The following TTLL7 variants were observed in gnomAD, a reference collection of about 807,000 sequenced individuals.
The protein encoded by TTLL7 is tubulin polyglutamylase TTLL7.
Under a neutral mutation model 120.2 loss-of-function variants are expected in TTLL7, and 53 were observed. The observed-to-expected ratio is 0.44, with a 90% CI of 0.35 to 0.55. The LOEUF is 0.55. Ranked by LOEUF, TTLL7 falls within the 20% of genes least tolerant of loss-of-function variation. The pLI is 0.00. For missense variants in TTLL7, 803 were observed against 1,054.7 expected (o/e 0.76, Z 3.31); for synonymous variants, 353 against 351.7 (o/e 1.00, Z -0.04).
chr1:83,951,890 TC>T lies in TTLL7; in HGVS notation c.111del (p.Lys38ArgfsTer18), dbSNP rs1217710889. 1 of 1,613,476 alleles carries T rather than the reference TC, an allele frequency of 6.2e-7. No individual in the cohort carries two copies. Among genetic ancestry groups the T allele is most frequent in the Non-Finnish European group, 8.5e-7 (1 of 1,179,826 alleles). Reference sequence around the variant, plus strand: ...GCAACATTTGCTGTAATGGTTCCCTTCTTTTTCTTCTTTCTGACTTTCCTTT... The same window carrying T: ...GCAACATTTGCTGTAATGGTTCCCTTTTTTTCTTCTTTCTGACTTTCCTTT... ...TMKRKVRKKK[K>X]KGTITANVAG... On this transcript the variant is annotated frameshift_variant, in exon 3 of 21. Transcript: ENST00000260505. LOFTEE classifies it high-confidence loss of function.
At chr1:83,995,799 C>T (rs1653425576) in intron 1 of TTLL7, among the ~76,000 whole-genome samples, 1 of 151,994 alleles carries the variant, frequency 6.6e-6, no homozygotes, top group South Asian at 2.1e-4. Context: ...AAAGCATACG[C>T]ACAAAGATGT....
chr1:83,888,299 C>T (rs1229825062), intron 19 of TTLL7, among the ~76,000 whole-genome samples: 1 of 151,884 alleles, frequency 6.6e-6, no homozygotes, highest in Non-Finnish European at 1.5e-5. Flanking sequence ...TACAGGGAGC[C>T]ATCAACTAAG....
intron 20 of TTLL7, among the ~76,000 whole-genome samples, chr1:83,881,277 A>G: frequency 6.6e-6 from 1 of 150,784 alleles, no homozygotes. Context: ...TGCAGAGCAA[A>G]AGAAACTACC....
chr1:83,947,020 A>AT, intron 6 of TTLL7, 104 bp downstream of exon 6: 2 of 895,520 alleles, frequency 2.2e-6, no homozygotes, highest in Non-Finnish European at 3.2e-6. Flanking sequence ...CTATTTCGTT[A>AT]TTTTTTCATA....
chr1:83,914,059 T>C (rs80137921), intron 14 of TTLL7, among the ~76,000 whole-genome samples: 3,298 of 152,278 alleles, frequency 0.022, 54 homozygotes, highest in African/African-American at 0.044. Context: ...ATATATTTCT[T>C]CCAAAGGAAG....
chr1:83,976,130 C>A (rs1651464468), intron 1 of TTLL7, among the ~76,000 whole-genome samples: 1 of 150,636 alleles, frequency 6.6e-6, no homozygotes, highest in Non-Finnish European at 1.5e-5. Flanking sequence ...TGGATTGCAA[C>A]CAAAGTAAGT....
chr1:83,909,857 T>G (rs933290262), intron 15 of TTLL7, among the ~76,000 whole-genome samples: 2 of 152,060 alleles, frequency 1.3e-5, no homozygotes, highest in Admixed American at 6.6e-5. Context: ...AATTAAAAAC[T>G]GACCAAATTT....
At chr1:83,915,462 C>T (rs183948532) in intron 14 of TTLL7, among the ~76,000 whole-genome samples, 155 of 152,228 alleles carry the variant, frequency 1.0e-3, no homozygotes, top group Middle Eastern at 3.4e-3. Flanking sequence ...AAACTGGACC[C>T]CTTCCTTACA....
At chr1:83,988,988 A>G (rs1174151120) in intron 1 of TTLL7, among the ~76,000 whole-genome samples, 1 of 152,084 alleles carries the variant, frequency 6.6e-6, no homozygotes, top group East Asian at 1.9e-4. Flanking sequence ...GATTACAGGC[A>G]TGAGCCACCA....
At chr1:83,912,090 G>A (rs1321719994) in intron 14 of TTLL7, among the ~76,000 whole-genome samples, 4 of 152,050 alleles carry the variant, frequency 2.6e-5, no homozygotes, top group East Asian at 3.9e-4. Context: ...ACTCTGGCAC[G>A]TAGCTTCTGG....
intron 7 of TTLL7, among the ~76,000 whole-genome samples, chr1:83,939,843 A>G (rs749731989): frequency 5.8e-4 from 89 of 152,234 alleles, no homozygotes; most frequent in Non-Finnish European, 1.1e-3. Context: ...TGAAATAGGA[A>G]GAAGGAAAAA....
intron 1 of TTLL7, among the ~76,000 whole-genome samples, chr1:83,996,692 G>A (rs1048803129): frequency 6.6e-6 from 1 of 152,170 alleles, no homozygotes; most frequent in African/African-American, 2.4e-5. Context: ...TAAGTTCCTT[G>A]AAGTGGGGAA....
intron 20 of TTLL7, chr1:83,879,795 T>C (rs572187702): frequency 2.0e-5 from 3 of 152,000 alleles, no homozygotes; most frequent in African/African-American, 7.2e-5. Flanking sequence ...ATCCTGACCA[T>C]TTATCAGAAG....
At chr1:83,981,546 T>C (rs1425328350) in intron 1 of TTLL7, 1 of 152,048 alleles carries the variant, frequency 6.6e-6, no homozygotes, top group Non-Finnish European at 1.5e-5. Flanking sequence ...TCAACAAAGG[T>C]AGGCCAGGTG....
chr1:83,876,917 C>A (rs1370358176), intron 20 of TTLL7, among the ~76,000 whole-genome samples: 2 of 151,920 alleles, frequency 1.3e-5, no homozygotes. Flanking sequence ...ATTAAACTAG[C>A]TAAGACCGCT....
At chr1:83,936,608 T>C (rs923818624) in intron 8 of TTLL7, among the ~76,000 whole-genome samples, 3 of 152,206 alleles carry the variant, frequency 2.0e-5, no homozygotes, top group African/African-American at 7.2e-5. Context: ...GCAGCATTGT[T>C]ATGATCCAAT....
At chr1:83,976,618 T>A (rs1651513791) in intron 1 of TTLL7, among the ~76,000 whole-genome samples, 1 of 152,128 alleles carries the variant, frequency 6.6e-6, no homozygotes, top group African/African-American at 2.4e-5. Context: ...GAGTGATCCA[T>A]GCCTAGTCCC....
At chr1:83,978,287 G>T (rs1651672634) in intron 1 of TTLL7, among the ~76,000 whole-genome samples, 1 of 152,112 alleles carries the variant, frequency 6.6e-6, no homozygotes, top group Non-Finnish European at 1.5e-5. Flanking sequence ...AACTGATGAA[G>T]CTTTTCTTTC....
intron 19 of TTLL7, among the ~76,000 whole-genome samples, chr1:83,887,455 C>T (rs1470505643): frequency 6.6e-6 from 1 of 151,998 alleles, no homozygotes; most frequent in Non-Finnish European, 1.5e-5. Flanking sequence ...GAGAATCAAA[C>T]ACACACAGTA....
Sources: gnomAD v4.1 joint callset for allele counts (sites outside exome capture counted in the v4.1 genomes callset) on GRCh38, gnomAD v4.1.1 for gene constraint, MANE v1.5 for transcripts, NCBI Gene and HGNC (gene_info 2026-07-23, HGNC 2026-07-21) for gene names.